The following CISD1 variants were observed in gnomAD, a reference collection of about 807,000 sequenced individuals.
The protein encoded by CISD1 is CDGSH iron-sulfur domain-containing protein 1.
CISD1 carries 8 observed loss-of-function variants against 12.0 expected under a neutral mutation model. The ratio of observed to expected loss-of-function variants is 0.67; its 90% CI spans 0.39 to 1.20. The LOEUF is 1.20. Among genes scored for constraint, CISD1 ranks in the 50% most tolerant of loss-of-function variants. The probability of loss-of-function intolerance (pLI) is 0.01; values close to 1 mark genes in which losing one functional copy is unlikely to be tolerated. For synonymous variants in CISD1, 38 were observed against 42.2 expected, an observed-to-expected ratio of 0.90 and a Z score of 0.39; for missense variants, 107 against 132.7, an observed-to-expected ratio of 0.81 and a Z score of 0.95.
chr10:58,281,033 T>G (rs912001981), intron 2 of CISD1, among the ~76,000 whole-genome samples: 3 of 152,226 alleles, frequency 2.0e-5, no homozygotes, highest in Non-Finnish European at 4.4e-5. Context: ...ACATAATTGC[T>G]TGAGTGAACA....
At chr10:58,272,298 CT>C (rs909204418) in intron 1 of CISD1, among the ~76,000 whole-genome samples, 514 of 143,662 alleles carry the variant, frequency 3.6e-3, no homozygotes, top group Non-Finnish European at 5.1e-3. Flanking sequence ...CCTGAAATCA[CT>C]TTTTTTTTTT....
chr10:58,286,077 C>T lies in CISD1; in HGVS notation c.238-1484C>T, dbSNP rs185427165. On this transcript the variant is annotated intron_variant, in intron 2 of 2. Transcript: ENST00000333926. ...AAAATTAGCCGGGCGTAGTGGCGGG[C>T]GCCTGTAGTCCCAGCTACTCAGGAG... 1.3e-3 allele frequency among the ~76,000 whole-genome samples: 200 copies of T among 151,142 alleles called. 2 individuals carry two copies. Among genetic ancestry groups the T allele is most frequent in the East Asian group, 2.0e-3 (10 of 5,126 alleles).
intron 2 of CISD1, among the ~76,000 whole-genome samples, chr10:58,282,158 C>T (rs1404163740): frequency 6.6e-6 from 1 of 152,120 alleles, no homozygotes; most frequent in African/African-American, 2.4e-5. Flanking sequence ...GACAGGGTTT[C>T]ACCATGTTGG....
intron 1 of CISD1, among the ~76,000 whole-genome samples, chr10:58,270,867 G>A (rs995456861): frequency 1.3e-5 from 2 of 152,152 alleles, no homozygotes; most frequent in African/African-American, 2.4e-5. Context: ...TTGTTAGGAG[G>A]AGTGATTATT....
intron 2 of CISD1, among the ~76,000 whole-genome samples, chr10:58,286,294 G>T (rs763497482): frequency 1.3e-5 from 2 of 151,874 alleles, no homozygotes; most frequent in East Asian, 3.8e-4. Context: ...ATATCCCAGC[G>T]TAGTAGGCCG....
intron 1 of CISD1, among the ~76,000 whole-genome samples, chr10:58,269,885 G>C (rs1368946441): frequency 1.3e-5 from 2 of 152,142 alleles, no homozygotes; most frequent in Non-Finnish European, 2.9e-5. Context: ...AACTGCGTTC[G>C]TTGAACCTTC....
At chr10:58,275,122 G>A (rs1411460885) in intron 1 of CISD1, among the ~76,000 whole-genome samples, 6 of 152,184 alleles carry the variant, frequency 3.9e-5, no homozygotes, top group South Asian at 2.1e-4. Context: ...AGGAAGTTGC[G>A]TTATTTTAGT....
intron 2 of CISD1, among the ~76,000 whole-genome samples, chr10:58,282,036 A>G (rs1839379108): frequency 6.6e-6 from 1 of 151,160 alleles, no homozygotes; most frequent in Non-Finnish European, 1.5e-5. Context: ...ATCTCAGCTC[A>G]CTACAACCTC....
chr10:58,286,223 A>G (rs1234281027), intron 2 of CISD1, among the ~76,000 whole-genome samples: 2 of 151,198 alleles, frequency 1.3e-5, no homozygotes, highest in Non-Finnish European at 2.9e-5. Context: ...AAAAAAAAGT[A>G]AAAAAAAGAA....
rs1295504252 is a variant in CISD1 at position 58,269,209 on chromosome 10, C to G, written c.-65C>G. On this transcript the variant is annotated 5_prime_UTR_variant, in exon 1 of 3. Coordinates refer to ENST00000333926, the MANE Select transcript of CISD1 (RefSeq NM_018464.5). ...AGTACGCCGCTGGCACCTTTACTCT[C>G]GCCGGCCGCGCGAACCCGTTTGAGC... The G allele has an allele frequency of 1.3e-6, 2 of 1,557,478 alleles. No individual in the cohort carries two copies. Among genetic ancestry groups the G allele is most frequent in the Admixed American group, 1.7e-5 (1 of 59,936 alleles).
chr10:58,276,190 C>T (rs559353716), intron 1 of CISD1: 1 of 152,316 alleles, frequency 6.6e-6, no homozygotes, highest in South Asian at 2.1e-4. Context: ...ACTTTCTTCT[C>T]TCCAACATTG....
At chr10:58,286,079 C>T (rs1564547876) in intron 2 of CISD1, among the ~76,000 whole-genome samples, 1 of 151,426 alleles carries the variant, frequency 6.6e-6, no homozygotes, top group Non-Finnish European at 1.5e-5. Context: ...GTGGCGGGCG[C>T]CTGTAGTCCC....
At chr10:58,285,439 A>G (rs1047357759) in intron 2 of CISD1, among the ~76,000 whole-genome samples, 1 of 152,228 alleles carries the variant, frequency 6.6e-6, no homozygotes, top group Non-Finnish European at 1.5e-5. Flanking sequence ...TCATAAGGCT[A>G]AGAATCCTCT....
chr10:58,283,848 A>C (rs917980909), intron 2 of CISD1, among the ~76,000 whole-genome samples: 14 of 152,326 alleles, frequency 9.2e-5, no homozygotes, highest in African/African-American at 3.1e-4. Flanking sequence ...TCTGGACATA[A>C]AGGAAATTTG....
At chr10:58,275,798 T>C (rs534784557) in intron 1 of CISD1, among the ~76,000 whole-genome samples, 14 of 152,216 alleles carry the variant, frequency 9.2e-5, no homozygotes, top group African/African-American at 3.4e-4. Flanking sequence ...TTAAATAAAC[T>C]AGAAAAGAAG....
Position 58,269,178 on chromosome 10 carries a change from T to C in CISD1, c.-96T>C. On this transcript the variant is annotated 5_prime_UTR_variant, in exon 1 of 3. Coordinates refer to ENST00000333926, the MANE Select transcript of CISD1 (RefSeq NM_018464.5). The stretch of plus-strand genomic sequence containing the variant: ...CTGCGCGGTAGCATCGCGGAGTCGG[T>C]GCTTTAGTACGCCGCTGGCACCTTT... The C allele has an allele frequency of 7.5e-7, 1 of 1,340,648 alleles. No individual in the cohort carries two copies. The highest frequency in any genetic ancestry group is 2.3e-5 in the East Asian group (1 of 43,360). 83.0% of individuals were successfully genotyped at this position (1,340,648 alleles called of 1,614,324 possible). A position where few individuals can be genotyped will look rare whatever the true frequency, so the allele number is the denominator to read the frequency against.
chr10:58,287,740 C>T lies in CISD1; in HGVS notation c.*90C>T, dbSNP rs566448309. On this transcript the variant is annotated 3_prime_UTR_variant, in exon 3 of 3. Coordinates refer to ENST00000333926, the MANE Select transcript of CISD1 (RefSeq NM_018464.5). ...CTACCACCTCTGTCTGATTCACCTT[C>T]GCTGGATTCTAAATGTGGTATATTG... 804 of 735,554 alleles carry T rather than the reference C, an allele frequency of 1.1e-3. 2 individuals carry two copies. Among genetic ancestry groups the T allele is most frequent in the Non-Finnish European group, 1.5e-3 (681 of 456,056 alleles). The allele number at this position is 735,554 out of a possible 1,614,324, so 45.6% of individuals were successfully genotyped here.
intron 2 of CISD1, among the ~76,000 whole-genome samples, chr10:58,284,728 CCTATT>C (rs1448196550): frequency 2.6e-5 from 4 of 152,140 alleles, no homozygotes; most frequent in African/African-American, 9.6e-5. Context: ...AGATTTCTCT[CCTATT>C]CTGTATATGG....
At chr10:58,270,522 A>T (rs1389125778) in intron 1 of CISD1, among the ~76,000 whole-genome samples, 1 of 152,174 alleles carries the variant, frequency 6.6e-6, no homozygotes, top group Admixed American at 6.5e-5. Flanking sequence ...TGATATTTTT[A>T]ATTTTACAGG....
Sources: allele counts gnomAD v4.1 joint callset (sites outside exome capture counted in the v4.1 genomes callset), GRCh38; gene constraint gnomAD v4.1.1; transcripts MANE v1.5; gene names NCBI Gene and HGNC (gene_info 2026-07-23, HGNC 2026-07-21).